ARL15: variants seen among roughly 807,000 people sequenced by gnomAD.
ARL15 encodes ADP-ribosylation factor-like protein 15.
ARL15 carries 19 observed loss-of-function variants against 25.2 expected under a neutral mutation model. The observed-to-expected ratio is 0.75, with a 90% CI of 0.53 to 1.10. The LOEUF (loss-of-function observed/expected upper bound fraction) is 1.10, where lower values mean the gene tolerates loss of function less well. ARL15 is among the 50% of genes least tolerant of loss of function. The pLI is 0.00. For missense variants in ARL15, 220 were observed against 246.0 expected (o/e 0.89, Z 0.71); for synonymous variants, 94 against 86.8 (o/e 1.08, Z -0.46).
chr5:54,170,557 G>C (rs1466751429), intron 2 of ARL15, among the ~76,000 whole-genome samples: 1 of 152,184 alleles, frequency 6.6e-6, no homozygotes, highest in African/African-American at 2.4e-5. Flanking sequence ...CACAAATGCA[G>C]TTTCTAGGAG....
chr5:54,126,600 G>C (rs932247568), intron 3 of ARL15, among the ~76,000 whole-genome samples: 2 of 152,150 alleles, frequency 1.3e-5, no homozygotes, highest in South Asian at 4.1e-4. Flanking sequence ...AACAGTGTTG[G>C]GGGGTAGGGC....
intron 4 of ARL15, among the ~76,000 whole-genome samples, chr5:54,062,837 C>T (rs752690942): frequency 8.5e-5 from 13 of 152,070 alleles, no homozygotes; most frequent in Non-Finnish European, 1.6e-4. Context: ...TGGCATTCCT[C>T]ATCAGGAAGC....
At chr5:54,017,370 C>A (rs779576305) in intron 4 of ARL15, among the ~76,000 whole-genome samples, 12 of 151,996 alleles carry the variant, frequency 7.9e-5, no homozygotes, top group Non-Finnish European at 1.6e-4. Flanking sequence ...CTCTGCCAGG[C>A]TCTCCTGGTT....
At chr5:54,160,856 T>G (rs1451047261) in intron 2 of ARL15, among the ~76,000 whole-genome samples, 4 of 152,184 alleles carry the variant, frequency 2.6e-5, no homozygotes, top group Non-Finnish European at 5.9e-5. Context: ...AAACCAACTC[T>G]GAAGGTAGAT....
chr5:54,214,599 G>T (rs543880279), intron 1 of ARL15, among the ~76,000 whole-genome samples: 16 of 152,116 alleles, frequency 1.1e-4, no homozygotes, highest in African/African-American at 3.4e-4. Flanking sequence ...CTACTAAGCC[G>T]CATTACACGA....
intron 1 of ARL15, among the ~76,000 whole-genome samples, chr5:54,302,628 A>G (rs1758642536): frequency 6.6e-6 from 1 of 151,216 alleles, no homozygotes; most frequent in Non-Finnish European, 1.5e-5. Flanking sequence ...CTGGCCTTAT[A>G]AATTGTGCGG....
chr5:54,275,119 A>G (rs2112654861), intron 1 of ARL15, among the ~76,000 whole-genome samples: 1 of 152,342 alleles, frequency 6.6e-6, no homozygotes, highest in South Asian at 2.1e-4. Flanking sequence ...TTGCCACACA[A>G]CACAAAACCA....
At chr5:54,014,376 A>G (rs1224566334) in intron 4 of ARL15, among the ~76,000 whole-genome samples, 3 of 152,136 alleles carry the variant, frequency 2.0e-5, no homozygotes, top group African/African-American at 7.2e-5. Flanking sequence ...GAATGTAAGG[A>G]CACCTGAGCA....
intron 4 of ARL15, among the ~76,000 whole-genome samples, chr5:53,999,425 C>A (rs987942050): frequency 2.0e-5 from 3 of 151,248 alleles, no homozygotes; most frequent in Non-Finnish European, 4.4e-5. Flanking sequence ...CCCGTTCCTG[C>A]TAAAAATACA....
chr5:54,021,842 T>C (rs1037686111), intron 4 of ARL15, among the ~76,000 whole-genome samples: 1 of 151,946 alleles, frequency 6.6e-6, no homozygotes, highest in South Asian at 2.1e-4. Context: ...AGATACAACA[T>C]AATGAAATTT....
intron 1 of ARL15, among the ~76,000 whole-genome samples, chr5:54,202,729 T>C (rs941257520): frequency 6.6e-6 from 1 of 152,198 alleles, no homozygotes; most frequent in African/African-American, 2.4e-5. Context: ...TCTTTTCAGT[T>C]ATATAAAAGG....
intron 4 of ARL15, among the ~76,000 whole-genome samples, chr5:54,071,662 G>C (rs967250631): frequency 6.6e-6 from 1 of 151,988 alleles, no homozygotes; most frequent in African/African-American, 2.4e-5. Context: ...CAGGGAAAGT[G>C]GAAGCTGATT....
intron 3 of ARL15, among the ~76,000 whole-genome samples, chr5:54,121,227 T>A (rs1396959359): frequency 6.6e-6 from 1 of 152,196 alleles, no homozygotes; most frequent in Non-Finnish European, 1.5e-5. Flanking sequence ...GAATTATGCT[T>A]GCTCTGCAAT....
intron 1 of ARL15, among the ~76,000 whole-genome samples, chr5:54,173,489 A>G (rs531685682): frequency 6.6e-6 from 1 of 152,300 alleles, no homozygotes; most frequent in South Asian, 2.1e-4. Flanking sequence ...AAATCTGAGT[A>G]CTAATTGGCT....
chr5:53,903,610 C>G (rs1332994602), intron 4 of ARL15, among the ~76,000 whole-genome samples: 1 of 152,202 alleles, frequency 6.6e-6, no homozygotes, highest in Admixed American at 6.5e-5. Flanking sequence ...ATGATTCAAT[C>G]CACAGTTTAG....
intron 1 of ARL15, among the ~76,000 whole-genome samples, chr5:54,235,448 G>T (rs1756776079): frequency 6.6e-6 from 1 of 151,308 alleles, no homozygotes; most frequent in African/African-American, 2.4e-5. Context: ...GTACGCACGT[G>T]TACCCATGTT....
rs561191718 is a variant in ARL15, at chr5:54,228,720, A to C, written c.49-56792T>G. 2.0e-4 allele frequency among the ~76,000 whole-genome samples: 31 copies of C among 152,314 alleles called. No homozygotes were observed. The East Asian group carries it at 2.7e-3, about 13-fold the overall frequency. On this transcript the variant is annotated intron_variant, in intron 1 of 4. Transcript: ENST00000504924. ...ACACAACCTTCACTTTCATGGTAAG[A>C]AAAATATTCCCTTTAATGAATTTCA...
chr5:54,043,107 G>C lies in ARL15; in HGVS notation c.462+70095C>G, dbSNP rs545135388. Among the ~76,000 whole-genome samples, 18 of 151,956 alleles carry C rather than the reference G, an allele frequency of 1.2e-4. No homozygotes were observed. The South Asian group carries it at 3.7e-3, about 32-fold the overall frequency. ...ATCCCTTCCTGGCAAATGCCTGTTC[G>C]TCTTTTGGGGCTGTAAAACAAGCAC... On this transcript the variant is annotated intron_variant, in intron 4 of 4. Coordinates refer to ENST00000504924, the MANE Select transcript of ARL15 (RefSeq NM_019087.3).
At chr5:54,108,225 T>C (rs1419094299) in intron 4 of ARL15, among the ~76,000 whole-genome samples, 1 of 152,136 alleles carries the variant, frequency 6.6e-6, no homozygotes, top group African/African-American at 2.4e-5. Context: ...GAAAATTGAC[T>C]TCCAAACCCT....
Sources: gnomAD v4.1 joint callset for allele counts (sites outside exome capture counted in the v4.1 genomes callset) on GRCh38, gnomAD v4.1.1 for gene constraint, MANE v1.5 for transcripts, NCBI Gene and HGNC (gene_info 2026-07-23, HGNC 2026-07-21) for gene names.